Variants in PRKAR1B observed in about 807,000 individuals in gnomAD.
The protein encoded by PRKAR1B is protein kinase cAMP-dependent type I regulatory subunit beta.
PRKAR1B carries 22 observed loss-of-function variants against 46.5 expected under a neutral mutation model. The observed-to-expected ratio is 0.47, with a 90% confidence interval of 0.34 to 0.68. The LOEUF is 0.68. PRKAR1B is among the 30% of genes least tolerant of loss of function. The pLI, the probability that PRKAR1B is intolerant of heterozygous loss-of-function variation, is 0.01. For synonymous variants in PRKAR1B, 259 were observed against 217.7 expected (o/e 1.19, Z -1.67); for missense variants, 445 against 535.6 (o/e 0.83, Z 1.67).
At chr7:625,210 C>T (rs142027540) in intron 4 of PRKAR1B, among the ~76,000 whole-genome samples, 3,272 of 151,954 alleles carry the variant, frequency 0.022, 136 homozygotes, top group African/African-American at 0.075. Context: ...ATATTTTGAA[C>T]GAAATGAAAA....
At chr7:710,833 G>A (rs995274147) in intron 2 of PRKAR1B, among the ~76,000 whole-genome samples, 1 of 151,830 alleles carries the variant, frequency 6.6e-6, no homozygotes, top group Non-Finnish European at 1.5e-5. Flanking sequence ...TAGTAGAGAG[G>A]GGGTTTCGCC....
chr7:687,757 C>T (rs755421069), intron 2 of PRKAR1B, among the ~76,000 whole-genome samples: 4 of 152,052 alleles, frequency 2.6e-5, no homozygotes, highest in East Asian at 1.9e-4. Context: ...CGTGGTAAAC[C>T]GCAGGAGCTA....
At chr7:599,230 C>T (rs1781453284) in intron 6 of PRKAR1B, among the ~76,000 whole-genome samples, 1 of 152,206 alleles carries the variant, frequency 6.6e-6, no homozygotes, top group Non-Finnish European at 1.5e-5. Flanking sequence ...ACTCCCGGCG[C>T]AGTGCGGGCC....
At chr7:594,377 C>T (rs1459893493) in intron 7 of PRKAR1B, among the ~76,000 whole-genome samples, 1 of 152,166 alleles carries the variant, frequency 6.6e-6, no homozygotes, top group African/African-American at 2.4e-5. Context: ...ACCCCGGGAC[C>T]CCAGGCCCCG....
intron 9 of PRKAR1B, among the ~76,000 whole-genome samples, chr7:571,153 T>C (rs1329304859): frequency 1.3e-5 from 2 of 152,022 alleles, no homozygotes; most frequent in Non-Finnish European, 1.5e-5. Flanking sequence ...CCACCACAAG[T>C]AAGCAGCACC....
intron 4 of PRKAR1B, among the ~76,000 whole-genome samples, chr7:632,094 T>C (rs1783783328): frequency 6.6e-6 from 1 of 152,136 alleles, no homozygotes; most frequent in African/African-American, 2.4e-5. Flanking sequence ...TGAGCCAGCG[T>C]CTCCGTGTGA....
At chr7:708,540 G>A (rs1039988810) in intron 2 of PRKAR1B, among the ~76,000 whole-genome samples, 4 of 152,142 alleles carry the variant, frequency 2.6e-5, no homozygotes, top group Admixed American at 6.5e-5. Context: ...CCAGACTGGA[G>A]GGCAGTGTTG....
At chr7:682,870 A>T (rs561370166) in intron 2 of PRKAR1B, among the ~76,000 whole-genome samples, 1 of 152,286 alleles carries the variant, frequency 6.6e-6, no homozygotes, top group Admixed American at 6.5e-5. Context: ...CTCATGCCCT[A>T]TTCAGCCTCG....
chr7:659,703 T>C (rs981572967), intron 4 of PRKAR1B, among the ~76,000 whole-genome samples: 1 of 151,890 alleles, frequency 6.6e-6, no homozygotes, highest in African/African-American at 2.4e-5. Flanking sequence ...ATGGGCCTTG[T>C]GAGGGCTTTT....
chr7:669,837 A>T (rs1786128994), intron 4 of PRKAR1B, among the ~76,000 whole-genome samples: 1 of 151,098 alleles, frequency 6.6e-6, no homozygotes, highest in Admixed American at 6.6e-5. Context: ...AGAGCGAGAG[A>T]GAAGGCTGGT....
chr7:580,794 G>A (rs575867096), intron 8 of PRKAR1B, among the ~76,000 whole-genome samples: 127 of 149,486 alleles, frequency 8.5e-4, no homozygotes, highest in African/African-American at 2.9e-3. Flanking sequence ...CAAATCAGAT[G>A]CTACCTATGT....
Position 726,881 on chromosome 7 carries a change from G to A in PRKAR1B, c.-23+329C>T, listed in dbSNP as rs1310291389. 10 of 1,327,452 alleles carry A rather than the reference G, an allele frequency of 7.5e-6. No homozygotes were observed. In the South Asian group the frequency reaches 1.3e-4, roughly 17 times the overall value. The allele number at this position is 1,327,452 out of a possible 1,614,324, so 82.2% of individuals were successfully genotyped here. On this transcript the variant is annotated intron_variant, in intron 1 of 10. Coordinates refer to ENST00000537384, the MANE Select transcript of PRKAR1B (RefSeq NM_001164760.2). ...CGGCGGCGCGCCTTGGAGGCCCTGC[G>A]GCGCGCGCTGGAGGAGCCAGGCCCT...
intron 9 of PRKAR1B, among the ~76,000 whole-genome samples, chr7:569,154 G>A (rs1006734028): frequency 1.3e-5 from 2 of 151,984 alleles, no homozygotes. Context: ...TGCTGAAGAC[G>A]CCTCGGCGTC....
intron 4 of PRKAR1B, among the ~76,000 whole-genome samples, chr7:662,228 A>T (rs1378280173): frequency 3.1e-5 from 3 of 96,686 alleles, no homozygotes; most frequent in Middle Eastern, 6.1e-3. Flanking sequence ...ACGGGTCCAA[A>T]TACCTACTCT....
intron 9 of PRKAR1B, among the ~76,000 whole-genome samples, chr7:578,550 C>A (rs181182308): frequency 3.3e-4 from 51 of 152,338 alleles, no homozygotes; most frequent in African/African-American, 1.1e-3. Context: ...CCAACAGTGA[C>A]CTGCTGTGTA....
intron 4 of PRKAR1B, among the ~76,000 whole-genome samples, chr7:668,871 G>A (rs545174832): frequency 1.3e-5 from 2 of 152,248 alleles, no homozygotes; most frequent in South Asian, 2.1e-4. Context: ...CCACCAAGAG[G>A]GCACAGAAAG....
intron 1 of PRKAR1B, among the ~76,000 whole-genome samples, chr7:720,327 G>A (rs1178836432): frequency 5.9e-5 from 9 of 152,138 alleles, no homozygotes; most frequent in Admixed American, 5.9e-4. Flanking sequence ...CAAAGTGCTG[G>A]GATAACAGGT....
At chr7:665,570 C>T (rs1430564140) in intron 4 of PRKAR1B, among the ~76,000 whole-genome samples, 1 of 152,252 alleles carries the variant, frequency 6.6e-6, no homozygotes, top group Non-Finnish European at 1.5e-5. Flanking sequence ...GTCTCCTCTG[C>T]TGAGATCCAG....
In PRKAR1B at chr7:579,110, C is replaced by A. The variant is rs543524935; in HGVS notation, c.891+146G>T. 1.7e-5 allele frequency: 26 copies of A among 1,540,026 alleles called. No individual in the cohort carries two copies. In the Admixed American group the frequency reaches 3.1e-4, roughly 18 times the overall value. The stretch of plus-strand genomic sequence containing the variant: ...GGAATGTGAGGCCACAGACCACCCA[C>A]CCCATGGAGGCCCCGGACGGGCGTG... On this transcript the variant is annotated intron_variant, in intron 9 of 10. Transcript: ENST00000537384.
Sources: gnomAD v4.1 joint callset for allele counts (sites outside exome capture counted in the v4.1 genomes callset) on GRCh38, gnomAD v4.1.1 for gene constraint, MANE v1.5 for transcripts, NCBI Gene and HGNC (gene_info 2026-07-23, HGNC 2026-07-21) for gene names.